The following PTPRN2 variants were observed in gnomAD, a reference collection of about 807,000 sequenced individuals.
PTPRN2 encodes the protein protein tyrosine phosphatase receptor type N2, also known as receptor-type tyrosine-protein phosphatase N2.
Under a neutral mutation model 118.8 loss-of-function variants are expected in PTPRN2, and 74 were observed. That is an observed-to-expected ratio of 0.62 (90% CI 0.52 to 0.76). The LOEUF is 0.76. PTPRN2 is among the 30% of genes least tolerant of loss of function. The pLI is 0.00. For missense variants in PTPRN2, 1,481 were observed against 1,394.4 expected (o/e 1.06, Z -0.99); for synonymous variants, 641 against 608.0 (o/e 1.05, Z -0.80).
intron 10 of PTPRN2, among the ~76,000 whole-genome samples, chr7:158,105,829 T>C (rs1389590239): frequency 2.0e-5 from 3 of 152,032 alleles, no homozygotes; most frequent in Non-Finnish European, 4.4e-5. Flanking sequence ...TCTTACGCCA[T>C]GCAGCCCCAT....
chr7:158,406,892 C>G (rs1386805428), intron 2 of PTPRN2, among the ~76,000 whole-genome samples: 1 of 152,232 alleles, frequency 6.6e-6, no homozygotes, highest in Admixed American at 6.5e-5. Context: ...AGGCAAATTG[C>G]TTTATCTCTC....
At chr7:158,230,637 C>A (rs1276066342) in intron 3 of PTPRN2, among the ~76,000 whole-genome samples, 1 of 151,246 alleles carries the variant, frequency 6.6e-6, no homozygotes. Flanking sequence ...TTATAAGTCT[C>A]ATGGCAACTA....
chr7:158,411,074 T>C (rs1376961501), intron 2 of PTPRN2, among the ~76,000 whole-genome samples: 2 of 151,916 alleles, frequency 1.3e-5, no homozygotes, highest in Non-Finnish European at 2.9e-5. Context: ...CTCTCCTCCC[T>C]GGCACAGCCT....
At chr7:158,007,099 G>T (rs562080059) in intron 11 of PTPRN2, among the ~76,000 whole-genome samples, 4 of 152,202 alleles carry the variant, frequency 2.6e-5, no homozygotes, top group Admixed American at 2.0e-4. Context: ...TTCTTCTCCA[G>T]TGTCTCTTCT....
chr7:157,593,313 CAG>C (rs1474947434), intron 17 of PTPRN2, among the ~76,000 whole-genome samples: 2 of 138,388 alleles, frequency 1.4e-5, no homozygotes, highest in African/African-American at 2.7e-5. Flanking sequence ...ACCTGCTGAA[CAG>C]AGGGTGGATG....
chr7:158,568,630 T>C (rs2129451307), intron 1 of PTPRN2, among the ~76,000 whole-genome samples: 1 of 152,340 alleles, frequency 6.6e-6, no homozygotes, highest in Admixed American at 6.5e-5. Context: ...CAAACAGCTT[T>C]CACCTATCAC....
Position 158,233,361 on chromosome 7 carries a change from G to T in PTPRN2, c.278-28088C>A, listed in dbSNP as rs903561798. ...ATACCTAGAAATTAATTTAACCAAA[G>T]AAGTAAAAGATCTATACAAGGAAAA... On this transcript the variant is annotated intron_variant, in intron 3 of 22. Transcript: ENST00000389418. Among the ~76,000 whole-genome samples, 15 of 152,102 alleles carry T rather than the reference G, an allele frequency of 9.9e-5. No homozygotes were observed. The South Asian group carries it at 3.1e-3, about 32-fold the overall frequency.
intron 11 of PTPRN2, among the ~76,000 whole-genome samples, chr7:158,040,998 T>C (rs1808425612): frequency 6.6e-6 from 1 of 152,230 alleles, no homozygotes; most frequent in Admixed American, 6.5e-5. Flanking sequence ...CCCAAAGTGC[T>C]GGGATCACAG....
rs140707149 is a variant in PTPRN2, at chr7:157,895,721, CAG to C, written c.1788+2950_1788+2951del. On this transcript the variant is annotated intron_variant, in intron 12 of 22. Coordinates refer to ENST00000389418, the MANE Select transcript of PTPRN2 (RefSeq NM_002847.5). ...GAAGGCGCGACAGAGGGTGCTGAGA[CAG>C]GGTGGATGGAACAAGAAGGTCCAAC... 2.1e-3 allele frequency among the ~76,000 whole-genome samples: 323 copies of C among 152,192 alleles called. 3 individuals carry two copies. Among genetic ancestry groups the C allele is most frequent in the African/African-American group, 7.5e-3 (312 of 41,520 alleles).
Position 158,489,627 on chromosome 7 carries a change from G to A in PTPRN2, c.163+108C>T, listed in dbSNP as rs189621139. 21 of 1,190,938 alleles carry A rather than the reference G, an allele frequency of 1.8e-5. No individual in the cohort carries two copies. The African/African-American group carries it at 2.4e-4, about 14-fold the overall frequency. 73.8% of individuals were successfully genotyped at this position (1,190,938 alleles called of 1,614,324 possible). A position where few individuals can be genotyped will look rare whatever the true frequency, so the allele number is the denominator to read the frequency against. Reference sequence around the variant, plus strand: ...CCGCCTCCTCTCGGCAGCGCGCCCCGGGCGGCCCCAGCTCCAGGCCAGCGG... The same window carrying A: ...CCGCCTCCTCTCGGCAGCGCGCCCCAGGCGGCCCCAGCTCCAGGCCAGCGG... On this transcript the variant is annotated intron_variant, in intron 2 of 22. Coordinates refer to ENST00000389418, the MANE Select transcript of PTPRN2 (RefSeq NM_002847.5).
rs369192190 is a variant in PTPRN2 at position 158,556,972 on chromosome 7, G to A, written c.112+30586C>T. ...CTCCCACGCAGGTCAGGTGGCTCCC[G>A]CACAGGTCAGGCGGCTCCCACGCAG... On this transcript the variant is annotated intron_variant, in intron 1 of 22. Coordinates refer to ENST00000389418, the MANE Select transcript of PTPRN2 (RefSeq NM_002847.5). 6.0e-3 allele frequency among the ~76,000 whole-genome samples: 855 copies of A among 142,510 alleles called. 7 individuals carry two copies. The highest frequency in any genetic ancestry group is 0.021 in the African/African-American group (802 of 37,608). 93.5% of individuals were successfully genotyped at this position (142,510 alleles called of 152,430 possible).
chr7:158,587,477 G>T, intron 1 of PTPRN2, 81 bp downstream of exon 1: 2 of 700,070 alleles, frequency 2.9e-6, no homozygotes, highest in Non-Finnish European at 3.2e-6. Flanking sequence ...TCCCCACCCA[G>T]ACCCCCTCAC....
intron 14 of PTPRN2, among the ~76,000 whole-genome samples, chr7:157,655,160 G>A (rs1446464695): frequency 6.6e-6 from 1 of 152,204 alleles, no homozygotes; most frequent in Non-Finnish European, 1.5e-5. Flanking sequence ...GGGAGTGATG[G>A]GAAAAAATGT....
chr7:158,400,940 C>T (rs1034635964), intron 2 of PTPRN2, among the ~76,000 whole-genome samples: 1 of 151,918 alleles, frequency 6.6e-6, no homozygotes, highest in Non-Finnish European at 1.5e-5. Flanking sequence ...CTGTAAAGAA[C>T]CTCACGAGGA....
At chr7:158,460,391 T>C (rs911582263) in intron 2 of PTPRN2, among the ~76,000 whole-genome samples, 5 of 40,832 alleles carry the variant, frequency 1.2e-4, no homozygotes, top group Non-Finnish European at 2.3e-4. Context: ...ACAGGGGCTG[T>C]GTGCCATGAG....
intron 2 of PTPRN2, among the ~76,000 whole-genome samples, chr7:158,409,394 G>A (rs1284077990): frequency 1.3e-5 from 2 of 152,156 alleles, no homozygotes; most frequent in East Asian, 1.9e-4. Flanking sequence ...AGGCATAAGC[G>A]TGGACCTACC....
At position 158,544,898 on chromosome 7, in the gene PTPRN2, A is replaced by G. The variant is rs1396545776; in HGVS notation, c.112+42660T>C. On this transcript the variant is annotated intron_variant, in intron 1 of 22. Coordinates refer to ENST00000389418, the MANE Select transcript of PTPRN2 (RefSeq NM_002847.5). The surrounding 1 kb of genome is among the most constrained non-coding windows in gnomAD (Gnocchi z 4.2). ...CTTACACCTGCCCACACTGGTGCTC[A>G]CACTCACGTGATCACACCCACTCTT... Among the ~76,000 whole-genome samples the G allele has an allele frequency of 6.6e-6, 1 of 152,162 alleles. No individual in the cohort carries two copies. The highest frequency in any genetic ancestry group is 1.9e-4 in the East Asian group (1 of 5,178).
chr7:158,361,953 C>T (rs758673783), intron 2 of PTPRN2, among the ~76,000 whole-genome samples: 155 of 152,258 alleles, frequency 1.0e-3, no homozygotes, highest in Non-Finnish European at 1.3e-3. Flanking sequence ...AGCTCATCCC[C>T]GCTTCTCTCC....
intron 3 of PTPRN2, among the ~76,000 whole-genome samples, chr7:158,277,083 G>C (rs10244848): frequency 0.72 from 110,016 of 152,134 alleles, 40,513 homozygotes; most frequent in South Asian, 0.84. Flanking sequence ...CAGCCCCTTC[G>C]TCAGAAGCCA....
Sources: gnomAD v4.1 joint callset for allele counts (sites outside exome capture counted in the v4.1 genomes callset) on GRCh38, gnomAD v4.1.1 for gene constraint, Gnocchi (gnomAD v3.1) non-coding constraint, MANE v1.5 for transcripts, NCBI Gene and HGNC (gene_info 2026-07-23, HGNC 2026-07-21) for gene names.